Variants in CDC73 observed in about 807,000 individuals in gnomAD.
CDC73 encodes the protein parafibromin.
In CDC73, 21 loss-of-function variants were observed where a neutral mutation model predicts 83.7. That is an observed-to-expected ratio of 0.25 (90% CI 0.18 to 0.36). CDC73 has a LOEUF of 0.36. CDC73 is among the 10% of genes least tolerant of loss of function. CDC73 has a pLI of 1.00. For synonymous variants in CDC73, 224 were observed against 212.9 expected, an observed-to-expected ratio of 1.05 and a Z score of -0.45; for missense variants, 342 against 653.3, an observed-to-expected ratio of 0.52 and a Z score of 5.19.
chr1:193,182,431 A>C (rs371488270), intron 10 of CDC73, among the ~76,000 whole-genome samples: 1 of 152,148 alleles, frequency 6.6e-6, no homozygotes, highest in Non-Finnish European at 1.5e-5. Context: ...TTGATTATCT[A>C]TGGCTTTGGC....
At chr1:193,153,546 A>C (rs552049501) in intron 10 of CDC73, among the ~76,000 whole-genome samples, 21 of 152,304 alleles carry the variant, frequency 1.4e-4, no homozygotes, top group Non-Finnish European at 2.2e-4. Context: ...TTAACATATA[A>C]CTTTATATCT....
chr1:193,197,898 C>T (rs12566335), intron 10 of CDC73, among the ~76,000 whole-genome samples: 2 of 139,446 alleles, frequency 1.4e-5, no homozygotes, highest in African/African-American at 5.6e-5. Context: ...GCACTCCAGC[C>T]TGGGCAACAA....
intron 15 of CDC73, 33 bp downstream of exon 15, chr1:193,236,389 A>G (rs751764193): frequency 7.8e-7 from 1 of 1,283,668 alleles, no homozygotes; most frequent in East Asian, 2.3e-5. Context: ...TGTATCCAGT[A>G]TAGAAATGTT....
At chr1:193,232,457 T>A (rs1025420919) in intron 13 of CDC73, among the ~76,000 whole-genome samples, 1 of 150,364 alleles carries the variant, frequency 6.7e-6, no homozygotes, top group African/African-American at 2.4e-5. Flanking sequence ...TACACACACA[T>A]ACACACACAC....
chr1:193,148,739 G>A (rs1676053306), intron 8 of CDC73, among the ~76,000 whole-genome samples: 1 of 148,336 alleles, frequency 6.7e-6, no homozygotes, highest in Non-Finnish European at 1.5e-5. Flanking sequence ...CCGCCTCCTG[G>A]GTTCAAGCGA....
chr1:193,225,894 A>C (rs938680390), intron 13 of CDC73, among the ~76,000 whole-genome samples: 1 of 151,846 alleles, frequency 6.6e-6, no homozygotes, highest in Non-Finnish European at 1.5e-5. Context: ...GCCGTGCAAA[A>C]GCTCTTTAGT....
intron 3 of CDC73, among the ~76,000 whole-genome samples, chr1:193,134,221 T>G (rs1675747199): frequency 6.6e-6 from 1 of 152,084 alleles, no homozygotes; most frequent in Non-Finnish European, 1.5e-5. Context: ...ATATGTACAT[T>G]TATATATTTA....
intron 3 of CDC73, among the ~76,000 whole-genome samples, chr1:193,131,860 T>G (rs1675700244): frequency 6.6e-6 from 1 of 152,236 alleles, no homozygotes; most frequent in Non-Finnish European, 1.5e-5. Flanking sequence ...CCTTTCCTCC[T>G]TCTGTGGTTT....
At chr1:193,170,761 G>A (rs1676505860) in intron 10 of CDC73, among the ~76,000 whole-genome samples, 1 of 152,098 alleles carries the variant, frequency 6.6e-6, no homozygotes, top group Non-Finnish European at 1.5e-5. Flanking sequence ...CTTTTGCTGT[G>A]CAGAATCTCT....
intron 13 of CDC73, among the ~76,000 whole-genome samples, chr1:193,232,295 TA>T (rs1677674584): frequency 6.6e-6 from 1 of 152,220 alleles, no homozygotes; most frequent in African/African-American, 2.4e-5. Flanking sequence ...AGAAGCCTAC[TA>T]GCCACAACAA....
chr1:193,249,950 G>C, intron 16 of CDC73, 79 bp downstream of exon 16: 1 of 1,357,958 alleles, frequency 7.4e-7, no homozygotes, highest in Non-Finnish European at 1.1e-6. Context: ...GTTCCATAGA[G>C]TTGTCAGTCT....
At chr1:193,241,619 G>T (rs1442044173) in intron 15 of CDC73, among the ~76,000 whole-genome samples, 5 of 152,216 alleles carry the variant, frequency 3.3e-5, no homozygotes, top group Non-Finnish European at 5.9e-5. Flanking sequence ...GGCTGGACAG[G>T]ACAGTGCGCA....
intron 2 of CDC73, among the ~76,000 whole-genome samples, chr1:193,126,683 G>C (rs1396750861): frequency 6.6e-6 from 1 of 152,112 alleles, no homozygotes; most frequent in African/African-American, 2.4e-5. Flanking sequence ...TTGCTTACAA[G>C]TATACACTTA....
chr1:193,231,127 G>A (rs1677655734), intron 13 of CDC73, among the ~76,000 whole-genome samples: 1 of 152,112 alleles, frequency 6.6e-6, no homozygotes, highest in Admixed American at 6.5e-5. Flanking sequence ...TCACTCATTT[G>A]TATGTATTTT....
intron 5 of CDC73, among the ~76,000 whole-genome samples, chr1:193,137,196 A>G (rs1258475532): frequency 2.0e-5 from 3 of 152,246 alleles, no homozygotes; most frequent in South Asian, 2.1e-4. Flanking sequence ...TCTGGGCTAT[A>G]TCTTTATTGC....
chr1:193,212,527 G>A, intron 13 of CDC73, 50 bp downstream of exon 13: 1 of 1,182,400 alleles, frequency 8.5e-7, no homozygotes, highest in Admixed American at 1.8e-5. Flanking sequence ...AGATACCATT[G>A]GAAAATAGTA....
At chr1:193,135,256 T>C in intron 3 of CDC73, 135 bp from the exon 4 acceptor site, 2 of 731,544 alleles carry the variant, frequency 2.7e-6, no homozygotes. Flanking sequence ...GCAGAGCTGC[T>C]TTAAAACTGA....
At chr1:193,179,460 T>C (rs947571904) in intron 10 of CDC73, 4 of 152,656 alleles carry the variant, frequency 2.6e-5, no homozygotes, top group Admixed American at 6.5e-5. Context: ...AAGTTAGATA[T>C]ACATGAAATT....
chr1:193,125,172 T>A lies in CDC73; in HGVS notation c.192T>A (p.Leu64=). ...YYTLDSILFL[L]NNVHLSHPVY... is the part of the protein sequence containing the mutation. Reference sequence around the variant, plus strand: ...CATTGGATTCCATTTTATTTCTACTTAATAACGTGCACCTTTCTCATCCTG... The same window carrying A: ...CATTGGATTCCATTTTATTTCTACTAAATAACGTGCACCTTTCTCATCCTG... Residue 64 remains leucine (L), a synonymous_variant, in exon 2 of 17, where the codon CTT becomes CTA. Coordinates refer to ENST00000367435, the MANE Select transcript of CDC73 (RefSeq NM_024529.5). 1 of 1,610,612 alleles carries A rather than the reference T, an allele frequency of 6.2e-7. No individual in the cohort carries two copies. The highest frequency in any genetic ancestry group is 8.5e-7 in the Non-Finnish European group (1 of 1,176,710).
Sources: allele counts gnomAD v4.1 joint callset (sites outside exome capture counted in the v4.1 genomes callset), GRCh38; gene constraint gnomAD v4.1.1; transcripts MANE v1.5; gene names NCBI Gene and HGNC (gene_info 2026-07-23, HGNC 2026-07-21).